The following ABCA1 variants were observed in gnomAD, a reference collection of about 807,000 sequenced individuals.
ABCA1 encodes the protein ATP binding cassette subfamily A member 1.
A neutral mutation model predicts 262.5 loss-of-function variants in ABCA1; 133 were observed. That is an observed-to-expected ratio of 0.51 (90% CI 0.44 to 0.59). ABCA1 has a LOEUF of 0.59. Ranked by LOEUF, ABCA1 falls within the 20% of genes least tolerant of loss-of-function variation. The pLI is 0.00. For synonymous variants in ABCA1, 1,022 were observed against 1,043.5 expected (o/e 0.98, Z 0.40); for missense variants, 2,452 against 2,777.5 (o/e 0.88, Z 2.63).
chr9:104,794,710 AAAATTCTATTCTTTAGAAAATCTGGAG>A (rs1161601568), intron 39 of ABCA1, among the ~76,000 whole-genome samples, 200 bp from the exon 40 acceptor site: 1 of 152,224 alleles, frequency 6.6e-6, no homozygotes, highest in African/African-American at 2.4e-5. Flanking sequence ...ATGTAGCAAT[AAAATTCTATTCTTTAGAAAATCTGGAG>A]AAATGCTCTG....
chr9:104,861,838 A>G (rs1438691256), intron 5 of ABCA1, 38 bp from the exon 6 acceptor site: 16 of 1,552,452 alleles, frequency 1.0e-5, no homozygotes, highest in Non-Finnish European at 1.4e-5. Flanking sequence ...TTTAGTAAGT[A>G]ACTCAAAAAA....
At chr9:104,913,761 C>G (rs926722005) in intron 1 of ABCA1, among the ~76,000 whole-genome samples, 2 of 151,994 alleles carry the variant, frequency 1.3e-5, no homozygotes, top group African/African-American at 2.4e-5. Flanking sequence ...TAGCACACTG[C>G]CACCTCCCTA....
At chr9:104,843,095 C>T (rs1335083594) in intron 8 of ABCA1, among the ~76,000 whole-genome samples, 2 of 152,154 alleles carry the variant, frequency 1.3e-5, no homozygotes, top group Non-Finnish European at 2.9e-5. Context: ...CCTAATCACC[C>T]CCTTTAAAAA....
chr9:104,801,597 A>C (rs773425126), intron 34 of ABCA1, among the ~76,000 whole-genome samples: 28 of 151,910 alleles, frequency 1.8e-4, no homozygotes, highest in African/African-American at 6.5e-4. Flanking sequence ...GCTGGAGTGC[A>C]ACGGTGCGAT....
intron 1 of ABCA1, among the ~76,000 whole-genome samples, chr9:104,924,356 T>A (rs1236018726): frequency 6.6e-6 from 1 of 152,154 alleles, no homozygotes; most frequent in Non-Finnish European, 1.5e-5. Context: ...ATGCCTGTAA[T>A]CCCAGCACTT....
intron 1 of ABCA1, among the ~76,000 whole-genome samples, chr9:104,921,404 G>A (rs987513653): frequency 2.0e-5 from 3 of 152,132 alleles, no homozygotes; most frequent in Non-Finnish European, 4.4e-5. Flanking sequence ...ATTACTTAGT[G>A]AGTCATGTCA....
intron 10 of ABCA1, 145 bp downstream of exon 10, chr9:104,837,283 C>A: frequency 1.6e-6 from 2 of 1,217,770 alleles, no homozygotes; most frequent in Middle Eastern, 5.6e-4. Context: ...CAGCTCTGGT[C>A]TGCATCAGAC....
intron 2 of ABCA1, chr9:104,889,437 G>A (rs774501799): frequency 2.3e-5 from 21 of 902,634 alleles, no homozygotes; most frequent in Non-Finnish European, 2.8e-5. Flanking sequence ...GCTTTATCTG[G>A]TTCACTTCTA....
chr9:104,881,180 A>G (rs1361597824), intron 5 of ABCA1, among the ~76,000 whole-genome samples: 1 of 152,142 alleles, frequency 6.6e-6, no homozygotes, highest in Non-Finnish European at 1.5e-5. Context: ...AAAGGAAATT[A>G]GTGTTGTTTT....
intron 45 of ABCA1, 23 bp from the exon 46 acceptor site, chr9:104,788,077 G>A (rs1416424605): frequency 6.2e-7 from 1 of 1,613,144 alleles, no homozygotes; most frequent in Admixed American, 1.7e-5. Flanking sequence ...AAAGCACCTT[G>A]ACTTTGGTCT....
chr9:104,803,146 G>A (rs1830484571), intron 33 of ABCA1, 138 bp downstream of exon 33: 2 of 950,972 alleles, frequency 2.1e-6, no homozygotes, highest in Admixed American at 1.7e-5. Flanking sequence ...ATGTTCACAG[G>A]GCTTCTGTCC....
At chr9:104,914,045 C>T (rs1358867049) in intron 1 of ABCA1, among the ~76,000 whole-genome samples, 1 of 151,758 alleles carries the variant, frequency 6.6e-6, no homozygotes, top group Non-Finnish European at 1.5e-5. Context: ...GTGATCCACC[C>T]GCCTCAGCCT....
intron 7 of ABCA1, chr9:104,856,172 C>T: frequency 6.9e-7 from 1 of 1,455,000 alleles, no homozygotes; most frequent in Non-Finnish European, 9.0e-7. Flanking sequence ...TCCCAGCATT[C>T]CAATTAAGGC....
At chr9:104,888,236 T>C (rs1839382722) in intron 3 of ABCA1, among the ~76,000 whole-genome samples, 1 of 152,160 alleles carries the variant, frequency 6.6e-6, no homozygotes, top group African/African-American at 2.4e-5. Context: ...CAGTATCTCA[T>C]AAGCTTGTGG....
chr9:104,925,779 G>A (rs1826273852), intron 1 of ABCA1, among the ~76,000 whole-genome samples: 1 of 151,998 alleles, frequency 6.6e-6, no homozygotes, highest in African/African-American at 2.4e-5. Flanking sequence ...ATCTGTAGAG[G>A]TTCTACTCAG....
chr9:104,792,659 A>C (rs1829525870), intron 42 of ABCA1, 127 bp downstream of exon 42: 2 of 1,185,234 alleles, frequency 1.7e-6, no homozygotes. Context: ...AATTGACAGA[A>C]CCTTGGTATA....
intron 5 of ABCA1, among the ~76,000 whole-genome samples, chr9:104,872,042 A>C (rs1588466198): frequency 6.6e-6 from 1 of 152,038 alleles, no homozygotes; most frequent in East Asian, 1.9e-4. Context: ...TAAATAGTTT[A>C]ATTTTTTTCT....
chr9:104,914,134 G>T (rs964716716), intron 1 of ABCA1, among the ~76,000 whole-genome samples: 1 of 151,668 alleles, frequency 6.6e-6, no homozygotes, highest in Non-Finnish European at 1.5e-5. Flanking sequence ...CAGTTTTCCT[G>T]TCCATCCCAT....
At chr9:104,820,106 T>C (rs200487960) in intron 20 of ABCA1, 37 bp from the exon 21 acceptor site, 1 of 1,613,850 alleles carries the variant, frequency 6.2e-7, no homozygotes, top group Non-Finnish European at 8.5e-7. Context: ...TGGGCCCTAC[T>C]GGATACCCCA....
Sources: gnomAD v4.1 joint callset for allele counts (sites outside exome capture counted in the v4.1 genomes callset) on GRCh38, gnomAD v4.1.1 for gene constraint, MANE v1.5 for transcripts, NCBI Gene and HGNC (gene_info 2026-07-23, HGNC 2026-07-21) for gene names.